Variants in PAAF1 observed in about 807,000 individuals in gnomAD.
The protein encoded by PAAF1 is proteasomal ATPase-associated factor 1.
PAAF1 carries 46 observed loss-of-function variants against 52.8 expected under a neutral mutation model. That is an observed-to-expected ratio of 0.87 (90% CI 0.69 to 1.11). PAAF1 has a LOEUF of 1.11. Ranked by LOEUF, PAAF1 falls within the 50% of genes most tolerant of loss-of-function variation. The probability of loss-of-function intolerance (pLI) is 0.00; values close to 1 mark genes in which losing one functional copy is unlikely to be tolerated. For missense variants in PAAF1, 424 were observed against 477.4 expected (o/e 0.89, Z 1.04); for synonymous variants, 178 against 172.8 (o/e 1.03, Z -0.24).
Position 73,929,753 on chromosome 11 carries a change from T to C in PAAF1, c.*2391T>C, listed in dbSNP as rs1033296525. On this transcript the variant is annotated 3_prime_UTR_variant, in exon 12 of 12. Transcript: ENST00000310571. ...AGCTCCAGGTGGAACATCTAAGAAG[T>C]CAGATTAAGAAAACAGGATGAGGCT... The C allele has an allele frequency of 6.6e-6, 1 of 152,162 alleles. No individual in the cohort carries two copies. The highest frequency in any genetic ancestry group is 2.4e-5 in the African/African-American group (1 of 41,400). The allele number at this position is 152,162 out of a possible 1,614,324, so 9.4% of individuals were successfully genotyped here. A position where few individuals can be genotyped will look rare whatever the true frequency, so the allele number is the denominator to read the frequency against.
At chr11:73,893,526 G>T (rs1310420364) in intron 4 of PAAF1, among the ~76,000 whole-genome samples, 1 of 151,330 alleles carries the variant, frequency 6.6e-6, no homozygotes, top group Non-Finnish European at 1.5e-5. Context: ...CACCTGAGGT[G>T]AGGAGTTCAA....
At chr11:73,894,146 A>G (rs1483175521) in intron 4 of PAAF1, among the ~76,000 whole-genome samples, 1 of 152,120 alleles carries the variant, frequency 6.6e-6, no homozygotes, top group Admixed American at 6.6e-5. Context: ...ACTGAGGGAG[A>G]AGGCAATTCA....
intron 6 of PAAF1, among the ~76,000 whole-genome samples, chr11:73,908,816 G>A (rs1949848385): frequency 6.6e-6 from 1 of 151,376 alleles, no homozygotes; most frequent in African/African-American, 2.4e-5. Flanking sequence ...TTTTGAGACG[G>A]AGTCTCCTCT....
rs1740660392 is a variant in PAAF1, at chr11:73,911,503, A to G, written c.727+1910A>G. Reference sequence around the variant, plus strand: ...TGGCCCTAAAGTAATTTAAATGAGAATATTTTTTCTTGTTTTCTGTAATTT... The same window carrying G: ...TGGCCCTAAAGTAATTTAAATGAGAGTATTTTTTCTTGTTTTCTGTAATTT... On this transcript the variant is annotated intron_variant, in intron 7 of 11. Transcript: ENST00000310571. 2.0e-5 allele frequency among the ~76,000 whole-genome samples: 3 copies of G among 151,550 alleles called. No homozygotes were observed. In the South Asian group the frequency reaches 6.2e-4, roughly 31 times the overall value.
At chr11:73,903,287 A>G (rs1177381455) in intron 6 of PAAF1, among the ~76,000 whole-genome samples, 2 of 152,244 alleles carry the variant, frequency 1.3e-5, no homozygotes, top group South Asian at 2.1e-4. Context: ...ACAGCGTGGC[A>G]AAAATCAGGA....
intron 4 of PAAF1, among the ~76,000 whole-genome samples, chr11:73,897,690 T>A (rs1949450510): frequency 3.4e-5 from 5 of 148,282 alleles, no homozygotes; most frequent in African/African-American, 1.3e-4. Flanking sequence ...GGCTCCTCAC[T>A]TTCCAGACTG....
At chr11:73,900,230 G>GT in intron 5 of PAAF1, 40 bp from the exon 6 acceptor site, 1 of 1,555,948 alleles carries the variant, frequency 6.4e-7, no homozygotes, top group Non-Finnish European at 8.7e-7. Flanking sequence ...TCAAGGGATG[G>GT]ACAAGAGAAC....
At chr11:73,880,101 G>T (rs1381958286) in intron 2 of PAAF1, 1 of 152,028 alleles carries the variant, frequency 6.6e-6, no homozygotes, top group East Asian at 1.9e-4. Context: ...GGTGTCTGTA[G>T]TCCCAGCTAC....
chr11:73,880,844 C>CA (rs1285893276), intron 2 of PAAF1: 2 of 151,242 alleles, frequency 1.3e-5, no homozygotes, highest in East Asian at 3.9e-4. Flanking sequence ...ACTAAAAATA[C>CA]AAAAAATTAC....
intron 4 of PAAF1, among the ~76,000 whole-genome samples, chr11:73,893,785 G>A (rs572041292): frequency 2.4e-4 from 36 of 150,148 alleles, no homozygotes; most frequent in Non-Finnish European, 3.8e-4. Flanking sequence ...AAACGTGGGC[G>A]CGGTGGCTCA....
rs1950141382 is a variant in PAAF1, at chr11:73,918,959, A to G, written c.945A>G (p.Val315=). 1 of 1,612,844 alleles carries G rather than the reference A, an allele frequency of 6.2e-7. No individual in the cohort carries two copies. Residue 315 remains valine (V), a synonymous_variant, in exon 10 of 12, where the codon GTA becomes GTG. Coordinates refer to ENST00000310571, the MANE Select transcript of PAAF1 (RefSeq NM_025155.3). ...TTTCTCTGAATCCTAGGGCTCCGGT[A>G]CAAGTCATCCACAGATCAGGAGCAC... is the stretch of plus-strand genomic sequence containing the variant. The part of the protein sequence containing the change: ...QLDVRSPRAP[V]QVIHRSGAPV...
At chr11:73,922,816 C>CAAAAAAA (rs372724683) in intron 10 of PAAF1, among the ~76,000 whole-genome samples, 2 of 77,684 alleles carry the variant, frequency 2.6e-5, no homozygotes, top group Non-Finnish European at 2.7e-5. Flanking sequence ...GACTCCGTCT[C>CAAAAAAA]AAAAAAAAAA....
intron 10 of PAAF1, 149 bp downstream of exon 10, chr11:73,919,181 C>G (rs553869533): frequency 9.0e-6 from 6 of 668,280 alleles, no homozygotes; most frequent in Non-Finnish European, 1.3e-5. Flanking sequence ...TATCACTCTA[C>G]GTTGTGATTG....
intron 10 of PAAF1, among the ~76,000 whole-genome samples, chr11:73,920,435 G>A (rs993460907): frequency 1.3e-5 from 2 of 152,118 alleles, no homozygotes; most frequent in African/African-American, 4.8e-5. Flanking sequence ...GGAGGCTGAG[G>A]TGGGAGGATC....
Position 73,927,631 on chromosome 11 carries a change from C to T in PAAF1, c.*269C>T, listed in dbSNP as rs1950399417. The T allele has an allele frequency of 2.0e-6, 1 of 495,148 alleles. No homozygotes were observed. The highest frequency in any genetic ancestry group is 3.3e-5 in the East Asian group (1 of 30,288). 30.7% of individuals were successfully genotyped at this position (495,148 alleles called of 1,614,324 possible). A position where few individuals can be genotyped will look rare whatever the true frequency, so the allele number is the denominator to read the frequency against. ...GCAACACAGGGCAAGGATATAGATGCTTTTAGTTTGTTCTTAAACCAGTTT... is the reference window on the plus strand; with the variant it reads ...GCAACACAGGGCAAGGATATAGATGTTTTTAGTTTGTTCTTAAACCAGTTT... On this transcript the variant is annotated 3_prime_UTR_variant, in exon 12 of 12. Coordinates refer to ENST00000310571, the MANE Select transcript of PAAF1 (RefSeq NM_025155.3).
Position 73,891,173 on chromosome 11 carries a change from C to A in PAAF1, c.254C>A (p.Thr85Asn). Residue 85 changes from threonine to asparagine, a missense_variant, in exon 4 of 12, where the codon ACT (threonine) becomes AAT (asparagine). By Grantham distance (65) the Thr-to-Asn change is moderately conservative (BLOSUM62 0). Coordinates refer to ENST00000310571, the MANE Select transcript of PAAF1 (RefSeq NM_025155.3). ...NASSKFLAPY[T>N]TFSRIHTKSI... is the part of the protein sequence containing the mutation. ...TCTTCTAAGTTTTTGGCACCATATA[C>A]TACTTTTTCCAGAATTCATACAAAG... 1 of 1,586,736 alleles carries A rather than the reference C, an allele frequency of 6.3e-7. No homozygotes were observed. The highest frequency in any genetic ancestry group is 8.6e-7 in the Non-Finnish European group (1 of 1,156,858).
chr11:73,885,245 T>C (rs1949029948), intron 2 of PAAF1, among the ~76,000 whole-genome samples: 1 of 151,800 alleles, frequency 6.6e-6, no homozygotes, highest in African/African-American at 2.4e-5. Flanking sequence ...TTCAAGGTAT[T>C]CTCCTGCTTC....
intron 6 of PAAF1, among the ~76,000 whole-genome samples, chr11:73,908,078 C>A (rs1949808677): frequency 6.6e-6 from 1 of 152,022 alleles, no homozygotes; most frequent in South Asian, 2.1e-4. Context: ...AATGACTTTT[C>A]AGTTGTAAAC....
chr11:73,925,629 T>C (rs1336665167), intron 11 of PAAF1, among the ~76,000 whole-genome samples: 1 of 152,208 alleles, frequency 6.6e-6, no homozygotes, highest in Non-Finnish European at 1.5e-5. Context: ...TTAAGACTTC[T>C]AGACTGATTT....
Sources: gnomAD v4.1 joint callset for allele counts (sites outside exome capture counted in the v4.1 genomes callset) on GRCh38, gnomAD v4.1.1 for gene constraint, MANE v1.5 for transcripts, NCBI Gene and HGNC (gene_info 2026-07-23, HGNC 2026-07-21) for gene names.